Variants in CNTN4 observed in about 807,000 individuals in gnomAD.
The protein encoded by CNTN4 is contactin 4.
A neutral mutation model predicts 122.5 loss-of-function variants in CNTN4; 77 were observed. The ratio of observed to expected loss-of-function variants is 0.63; its 90% CI spans 0.52 to 0.76. The LOEUF is 0.76. Ranked by LOEUF, CNTN4 falls within the 30% of genes least tolerant of loss-of-function variation. The pLI, the probability that CNTN4 is intolerant of heterozygous loss-of-function variation, is 0.00. For missense variants in CNTN4, 1,256 were observed against 1,259.1 expected, an observed-to-expected ratio of 1.00 and a Z score of 0.04; for synonymous variants, 512 against 447.0, an observed-to-expected ratio of 1.15 and a Z score of -1.83.
At chr3:2,403,371 G>T (rs2150982544) in intron 3 of CNTN4, among the ~76,000 whole-genome samples, 1 of 152,148 alleles carries the variant, frequency 6.6e-6, no homozygotes, top group East Asian at 1.9e-4. Flanking sequence ...ACATAACAAG[G>T]AACATAACAT....
chr3:2,768,952 A>G (rs1249980990), intron 6 of CNTN4, among the ~76,000 whole-genome samples: 2 of 152,118 alleles, frequency 1.3e-5, no homozygotes, highest in Admixed American at 6.5e-5. Context: ...CAAAACCCAG[A>G]CTTTTGACTT....
At chr3:2,609,829 TAA>T (rs1292595140) in intron 4 of CNTN4, among the ~76,000 whole-genome samples, 4 of 152,212 alleles carry the variant, frequency 2.6e-5, no homozygotes, top group Non-Finnish European at 5.9e-5. Context: ...TTACTATCAA[TAA>T]AGAGGTATTT....
intron 3 of CNTN4, among the ~76,000 whole-genome samples, chr3:2,414,268 G>A (rs1023835854): frequency 1.3e-5 from 2 of 152,102 alleles, no homozygotes; most frequent in Admixed American, 6.6e-5. Context: ...ACCTTCTTTG[G>A]GAGTAAATTT....
At chr3:2,878,141 T>G (rs2093866344) in intron 8 of CNTN4, among the ~76,000 whole-genome samples, 1 of 152,308 alleles carries the variant, frequency 6.6e-6, no homozygotes, top group Non-Finnish European at 1.5e-5. Context: ...CTGCCATATA[T>G]ACACATTAAT....
chr3:2,327,498 G>C (rs372209262), intron 2 of CNTN4, among the ~76,000 whole-genome samples: 11 of 152,162 alleles, frequency 7.2e-5, no homozygotes, highest in African/African-American at 2.6e-4. Flanking sequence ...CTTGGCTTTT[G>C]CATCTCTCCC....
At chr3:2,963,514 C>G (rs1472367490) in intron 13 of CNTN4, among the ~76,000 whole-genome samples, 1 of 152,182 alleles carries the variant, frequency 6.6e-6, no homozygotes, top group African/African-American at 2.4e-5. Context: ...CAGGAAAACA[C>G]AAATCCTGCT....
At chr3:2,720,142 G>A (rs1251278079) in intron 4 of CNTN4, among the ~76,000 whole-genome samples, 1 of 151,980 alleles carries the variant, frequency 6.6e-6, no homozygotes, top group African/African-American at 2.4e-5. Flanking sequence ...CAGAAGGAAA[G>A]GCCATTTCAT....
chr3:2,827,073 C>T (rs879680049), intron 7 of CNTN4, among the ~76,000 whole-genome samples: 2 of 152,098 alleles, frequency 1.3e-5, no homozygotes, highest in Non-Finnish European at 2.9e-5. Flanking sequence ...TTACTGGGCC[C>T]CACGCATCAT....
At chr3:2,895,237 A>T (rs1351909262) in intron 10 of CNTN4, among the ~76,000 whole-genome samples, 1 of 152,114 alleles carries the variant, frequency 6.6e-6, no homozygotes, top group African/African-American at 2.4e-5. Flanking sequence ...CGGCCTCCCA[A>T]AGTGCTGGGA....
intron 3 of CNTN4, among the ~76,000 whole-genome samples, chr3:2,359,658 G>C (rs979995690): frequency 9.2e-5 from 14 of 152,182 alleles, no homozygotes; most frequent in African/African-American, 3.4e-4. Flanking sequence ...TCCTGACTCA[G>C]CCTCCAGAGT....
chr3:2,274,910 C>T (rs2041442800), intron 2 of CNTN4, among the ~76,000 whole-genome samples: 1 of 151,914 alleles, frequency 6.6e-6, no homozygotes, highest in South Asian at 2.1e-4. Flanking sequence ...TACTGATGAT[C>T]CATCTTGATA....
intron 2 of CNTN4, among the ~76,000 whole-genome samples, chr3:2,183,832 ATG>A (rs1236870731): frequency 1.3e-5 from 2 of 152,156 alleles, no homozygotes; most frequent in Non-Finnish European, 2.9e-5. Context: ...TTTACCCCAA[ATG>A]TGTCAGAAAT....
chr3:2,996,990 A>T (rs995168546), intron 14 of CNTN4, among the ~76,000 whole-genome samples: 1 of 152,192 alleles, frequency 6.6e-6, no homozygotes, highest in African/African-American at 2.4e-5. Context: ...TTTAAAGTAC[A>T]TCTGTCATCT....
intron 6 of CNTN4, among the ~76,000 whole-genome samples, chr3:2,818,776 A>G (rs148646611): frequency 1.3e-5 from 2 of 152,344 alleles, no homozygotes; most frequent in African/African-American, 4.8e-5. Flanking sequence ...TTTTGAGGTA[A>G]TAAAACATTC....
chr3:2,589,781 G>A (rs1462724099), intron 4 of CNTN4, among the ~76,000 whole-genome samples: 1 of 152,166 alleles, frequency 6.6e-6, no homozygotes, highest in African/African-American at 2.4e-5. Context: ...CTCATGCCAG[G>A]TGTTGACGGT....
intron 2 of CNTN4, among the ~76,000 whole-genome samples, chr3:2,129,547 C>G (rs1409015885): frequency 1.3e-5 from 2 of 152,058 alleles, no homozygotes; most frequent in African/African-American, 2.4e-5. Context: ...CTTCTTCTAA[C>G]AGGCCTTATT....
intron 6 of CNTN4, among the ~76,000 whole-genome samples, chr3:2,793,746 A>G (rs962533330): frequency 2.0e-5 from 3 of 152,206 alleles, no homozygotes; most frequent in Non-Finnish European, 4.4e-5. Flanking sequence ...AAAATAACAG[A>G]AAAAGTAACC....
intron 5 of CNTN4, among the ~76,000 whole-genome samples, chr3:2,737,112 C>A (rs147010800): frequency 1.3e-5 from 2 of 151,728 alleles, no homozygotes; most frequent in Non-Finnish European, 2.9e-5. Flanking sequence ...ACAGGGTCTC[C>A]CTCTGTCACC....
intron 7 of CNTN4, among the ~76,000 whole-genome samples, chr3:2,863,633 A>G (rs1479583333): frequency 6.6e-6 from 1 of 151,524 alleles, no homozygotes; most frequent in Non-Finnish European, 1.5e-5. Context: ...TTGTTTTTTG[A>G]ATTGAACTAA....
Sources: gnomAD v4.1 joint callset for allele counts (sites outside exome capture counted in the v4.1 genomes callset) on GRCh38, gnomAD v4.1.1 for gene constraint, MANE v1.5 for transcripts, NCBI Gene and HGNC (gene_info 2026-07-23, HGNC 2026-07-21) for gene names.